The following ARL15 variants were observed in gnomAD, a reference collection of about 807,000 sequenced individuals.
ARL15 encodes ARF like GTPase 15.
Under a neutral mutation model 25.2 loss-of-function variants are expected in ARL15, and 19 were observed. The ratio of observed to expected loss-of-function variants is 0.75; its 90% CI spans 0.53 to 1.10. The LOEUF (loss-of-function observed/expected upper bound fraction) is 1.10. Among genes scored for constraint, ARL15 ranks in the 50% least tolerant of loss-of-function variants. The probability of loss-of-function intolerance (pLI) is 0.00; values close to 1 mark genes in which losing one functional copy is unlikely to be tolerated. For missense variants in ARL15, 220 were observed against 246.0 expected, an observed-to-expected ratio of 0.89 and a Z score of 0.71; for synonymous variants, 94 against 86.8, an observed-to-expected ratio of 1.08 and a Z score of -0.46.
chr5:54,114,799 GGCAATATGTGT>G (rs960438783), intron 3 of ARL15, among the ~76,000 whole-genome samples: 124 of 152,276 alleles, frequency 8.1e-4, no homozygotes, highest in African/African-American at 2.8e-3. Flanking sequence ...GAATAGGAGG[GGCAATATGTGT>G]GCATGTGTAG....
At chr5:53,995,561 T>C (rs946944805) in intron 4 of ARL15, among the ~76,000 whole-genome samples, 1 of 152,190 alleles carries the variant, frequency 6.6e-6, no homozygotes, top group Non-Finnish European at 1.5e-5. Context: ...GTTACACTAC[T>C]AAGGTCCAAA....
intron 4 of ARL15, among the ~76,000 whole-genome samples, chr5:54,048,575 T>TG (rs57814888): frequency 0.31 from 46,398 of 150,306 alleles, 8,403 homozygotes; most frequent in African/African-American, 0.49. Flanking sequence ...GGCTAATTTT[T>TG]TACTTTTAGT....
intron 4 of ARL15, among the ~76,000 whole-genome samples, chr5:53,964,506 C>A (rs1009340901): frequency 2.0e-5 from 3 of 151,958 alleles, no homozygotes; most frequent in Admixed American, 6.6e-5. Flanking sequence ...ACTACAGGCG[C>A]CCACCACCAT....
chr5:54,187,317 C>T (rs1164835493), intron 1 of ARL15, among the ~76,000 whole-genome samples: 1 of 152,118 alleles, frequency 6.6e-6, no homozygotes, highest in African/African-American at 2.4e-5. Context: ...AATTGCTGCC[C>T]CCTACCATCA....
At chr5:53,989,652 T>C (rs1339703337) in intron 4 of ARL15, among the ~76,000 whole-genome samples, 2 of 152,066 alleles carry the variant, frequency 1.3e-5, no homozygotes, top group Non-Finnish European at 2.9e-5. Context: ...GTGAGGTTTA[T>C]AAAGTTCTGC....
intron 1 of ARL15, among the ~76,000 whole-genome samples, chr5:54,270,343 G>C (rs1278879311): frequency 6.6e-6 from 1 of 152,180 alleles, no homozygotes; most frequent in Non-Finnish European, 1.5e-5. Context: ...TAGGATGAGA[G>C]AGTAGCGCCT....
chr5:54,106,532 T>C (rs1039207587), intron 4 of ARL15, among the ~76,000 whole-genome samples: 2 of 152,170 alleles, frequency 1.3e-5, no homozygotes, highest in Non-Finnish European at 2.9e-5. Flanking sequence ...AGTATTATCA[T>C]ATAACCTATG....
chr5:54,081,251 C>T (rs761243089), intron 4 of ARL15, among the ~76,000 whole-genome samples: 22 of 152,062 alleles, frequency 1.4e-4, no homozygotes, highest in Non-Finnish European at 5.9e-5. Context: ...GCCCATTTAG[C>T]CTTAGTTTGA....
intron 4 of ARL15, 122 bp downstream of exon 4, chr5:54,113,080 G>A (rs1039362128): frequency 5.3e-6 from 5 of 942,972 alleles, no homozygotes; most frequent in Admixed American, 2.6e-5. Context: ...TGAAAACTAA[G>A]GTTTCATGTT....
chr5:54,125,070 G>GTTTTTTTTTTTTTTTT (rs1753203668), intron 3 of ARL15, among the ~76,000 whole-genome samples: 1 of 135,948 alleles, frequency 7.4e-6, no homozygotes, highest in African/African-American at 2.9e-5. Flanking sequence ...CAAGTTTTTT[G>GTTTTTTTTTTTTTTTT]TTTTGTTTTG....
intron 4 of ARL15, among the ~76,000 whole-genome samples, chr5:53,979,095 A>C (rs1453304956): frequency 1.3e-5 from 2 of 152,122 alleles, no homozygotes; most frequent in Non-Finnish European, 2.9e-5. Flanking sequence ...ACCTGTTCTG[A>C]GTCTATGCTT....
chr5:53,986,435 A>C (rs1384291352), intron 4 of ARL15, among the ~76,000 whole-genome samples: 1 of 152,218 alleles, frequency 6.6e-6, no homozygotes, highest in Non-Finnish European at 1.5e-5. Context: ...TTCAGATCAG[A>C]TGCCTCTAAT....
At position 53,885,000 on chromosome 5, in the gene ARL15, G is replaced by A. The variant is rs747878498; in HGVS notation, c.*1561C>T. 6.6e-6 allele frequency: 1 copy of A among 152,112 alleles called. No homozygotes were observed. Among genetic ancestry groups the A allele is most frequent in the Non-Finnish European group, 1.5e-5 (1 of 67,924 alleles). 9.4% of individuals were successfully genotyped at this position (152,112 alleles called of 1,614,324 possible). A position where few individuals can be genotyped will look rare whatever the true frequency, so the allele number is the denominator to read the frequency against. ...AAAAAAAAAGCTTAAAGAAGTGTTT[G>A]ATGTTTCAAAGGTAATGATTTCATT... On this transcript the variant is annotated 3_prime_UTR_variant, in exon 5 of 5. Coordinates refer to ENST00000504924, the MANE Select transcript of ARL15 (RefSeq NM_019087.3).
chr5:54,272,404 C>T (rs1223801565), intron 1 of ARL15, among the ~76,000 whole-genome samples: 2 of 152,008 alleles, frequency 1.3e-5, no homozygotes, highest in Admixed American at 6.6e-5. Context: ...GGATAAAACA[C>T]TACATGTTTG....
intron 1 of ARL15, among the ~76,000 whole-genome samples, chr5:54,212,678 C>A (rs187989761): frequency 1.3e-5 from 2 of 152,232 alleles, no homozygotes; most frequent in East Asian, 1.9e-4. Context: ...TTTCTGTTTT[C>A]TCTATTGGCA....
chr5:54,242,456 AATC>A (rs1756982897), intron 1 of ARL15, among the ~76,000 whole-genome samples: 1 of 152,198 alleles, frequency 6.6e-6, no homozygotes, highest in African/African-American at 2.4e-5. Flanking sequence ...AGGCCTGGCC[AATC>A]ATAGTCTCAT....
At chr5:54,085,364 C>T (rs1364217931) in intron 4 of ARL15, among the ~76,000 whole-genome samples, 2 of 152,090 alleles carry the variant, frequency 1.3e-5, no homozygotes, top group African/African-American at 2.4e-5. Flanking sequence ...CTATAGTTTA[C>T]AGCAAAGCAA....
intron 4 of ARL15, among the ~76,000 whole-genome samples, chr5:53,929,420 C>T (rs1746131775): frequency 1.3e-5 from 2 of 152,292 alleles, no homozygotes; most frequent in Middle Eastern, 6.8e-3. Context: ...GTCCTTTACA[C>T]TACCCCAAGA....
chr5:54,232,054 T>C (rs1756686853), intron 1 of ARL15, among the ~76,000 whole-genome samples: 1 of 152,132 alleles, frequency 6.6e-6, no homozygotes, highest in Admixed American at 6.6e-5. Flanking sequence ...TGTGGAGCCC[T>C]CTCCAGAACC....
Sources: allele counts gnomAD v4.1 joint callset (sites outside exome capture counted in the v4.1 genomes callset), GRCh38; gene constraint gnomAD v4.1.1; transcripts MANE v1.5; gene names NCBI Gene and HGNC (gene_info 2026-07-23, HGNC 2026-07-21).